GALNT17: variants seen among roughly 807,000 people sequenced by gnomAD.
GALNT17 encodes UDP-GalNAc:polypeptide N-acetylgalactosaminyltransferase-like 3.
GALNT17 carries 29 observed loss-of-function variants against 63.7 expected under a neutral mutation model. The observed-to-expected ratio is 0.46, with a 90% CI of 0.34 to 0.62. The LOEUF (loss-of-function observed/expected upper bound fraction) is 0.62. GALNT17 is among the 20% of genes least tolerant of loss of function. GALNT17 has a pLI of 0.01. For synonymous variants in GALNT17, 305 were observed against 318.3 expected (o/e 0.96, Z 0.45); for missense variants, 603 against 799.6 (o/e 0.75, Z 2.97).
At chr7:71,703,128 A>G (rs961386407) in intron 9 of GALNT17, among the ~76,000 whole-genome samples, 1 of 152,264 alleles carries the variant, frequency 6.6e-6, no homozygotes, top group East Asian at 1.9e-4. Flanking sequence ...GTGACTACAT[A>G]TAGGAGAAGT....
chr7:71,412,153 A>G (rs749693958), intron 3 of GALNT17, among the ~76,000 whole-genome samples: 6 of 152,158 alleles, frequency 3.9e-5, no homozygotes, highest in Non-Finnish European at 7.3e-5. Flanking sequence ...AAAATAAAAG[A>G]CATTAGCTGG....
In GALNT17 at chr7:71,463,346, A is replaced by G. The variant is rs575701000; in HGVS notation, c.962+42241A>G. On this transcript the variant is annotated intron_variant, in intron 5 of 10. Coordinates refer to ENST00000333538, the MANE Select transcript of GALNT17 (RefSeq NM_022479.3). The stretch of plus-strand genomic sequence containing the variant: ...TGAGGGCCCTAATATCAGAGATCCT[A>G]TCTGCACATGGGCAGTGTCTAGTGC... 3.3e-5 allele frequency among the ~76,000 whole-genome samples: 5 copies of G among 152,324 alleles called. No homozygotes were observed. In the East Asian group the frequency reaches 7.7e-4, roughly 24 times the overall value.
chr7:71,537,149 G>A (rs1414862350), intron 5 of GALNT17, among the ~76,000 whole-genome samples: 2 of 152,060 alleles, frequency 1.3e-5, no homozygotes, highest in Non-Finnish European at 1.5e-5. Flanking sequence ...TTGATCTCTC[G>A]GCTTCAGGAG....
intron 5 of GALNT17, among the ~76,000 whole-genome samples, chr7:71,488,768 G>C (rs7808036): frequency 0.45 from 67,224 of 149,566 alleles, 16,413 homozygotes; most frequent in Non-Finnish European, 0.56. Context: ...TTTTAGTAGA[G>C]ACGGGGTTTC....
At chr7:71,602,204 C>T (rs1376596601) in intron 6 of GALNT17, among the ~76,000 whole-genome samples, 4 of 152,246 alleles carry the variant, frequency 2.6e-5, no homozygotes, top group Non-Finnish European at 4.4e-5. Context: ...GAGTATTTCT[C>T]ACCCAAACTT....
chr7:71,671,743 T>G (rs569199886), intron 8 of GALNT17, among the ~76,000 whole-genome samples: 17 of 152,258 alleles, frequency 1.1e-4, no homozygotes, highest in African/African-American at 3.6e-4. Context: ...GTACCTGGCA[T>G]GGCCAAGCAC....
At chr7:71,592,682 G>A (rs766242612) in intron 6 of GALNT17, among the ~76,000 whole-genome samples, 14 of 152,016 alleles carry the variant, frequency 9.2e-5, no homozygotes, top group Non-Finnish European at 1.3e-4. Flanking sequence ...TGCATAAAAC[G>A]CCTCTGACAT....
chr7:71,273,375 A>G (rs1275279110), intron 1 of GALNT17, among the ~76,000 whole-genome samples: 3 of 152,234 alleles, frequency 2.0e-5, no homozygotes, highest in Non-Finnish European at 1.5e-5. Flanking sequence ...TCACTGCTCA[A>G]TGCTATTCCC....
chr7:71,450,561 T>C (rs1787243213), intron 5 of GALNT17, among the ~76,000 whole-genome samples: 1 of 152,228 alleles, frequency 6.6e-6, no homozygotes, highest in Non-Finnish European at 1.5e-5. Flanking sequence ...TTTAAACATT[T>C]AAAGTGTATA....
intron 6 of GALNT17, among the ~76,000 whole-genome samples, chr7:71,609,474 A>C (rs796155503): frequency 1.3e-4 from 20 of 152,356 alleles, no homozygotes; most frequent in African/African-American, 4.8e-4. Context: ...CACCATTCTT[A>C]ACTCACAGCA....
At chr7:71,576,529 TTGTGTGTGTGTG>T (rs3048366) in intron 6 of GALNT17, among the ~76,000 whole-genome samples, 10 of 142,910 alleles carry the variant, frequency 7.0e-5, no homozygotes, top group South Asian at 2.4e-4. Flanking sequence ...TTTTTTAACT[TTGTGTGTGTGTG>T]TGTGTGTGTG....
intron 1 of GALNT17, among the ~76,000 whole-genome samples, chr7:71,144,935 A>G (rs1041799396): frequency 1.4e-4 from 22 of 152,202 alleles, no homozygotes; most frequent in Admixed American, 6.5e-4. Context: ...TCACCATGTT[A>G]GCCAGGATGG....
intron 6 of GALNT17, among the ~76,000 whole-genome samples, chr7:71,632,893 C>G (rs1238038687): frequency 2.6e-5 from 4 of 151,834 alleles, no homozygotes; most frequent in Admixed American, 6.6e-5. Context: ...CACTTGAGGC[C>G]AGGAGGTCGA....
intron 1 of GALNT17, among the ~76,000 whole-genome samples, chr7:71,302,025 G>C (rs2115885223): frequency 6.6e-6 from 1 of 152,294 alleles, no homozygotes; most frequent in South Asian, 2.1e-4. Flanking sequence ...CCATAAAAAG[G>C]AATGAGATCA....
intron 1 of GALNT17, among the ~76,000 whole-genome samples, chr7:71,170,851 A>T (rs1453655823): frequency 6.6e-6 from 1 of 152,164 alleles, no homozygotes; most frequent in East Asian, 1.9e-4. Flanking sequence ...TTTTTAATGA[A>T]AGTTGATTAA....
intron 6 of GALNT17, among the ~76,000 whole-genome samples, chr7:71,617,461 A>G (rs1313550180): frequency 4.0e-5 from 6 of 151,430 alleles, no homozygotes; most frequent in Admixed American, 6.6e-5. Flanking sequence ...AGCTGGGACT[A>G]CAGGTGCCCA....
At chr7:71,499,310 C>G (rs1253757342) in intron 5 of GALNT17, among the ~76,000 whole-genome samples, 6 of 152,188 alleles carry the variant, frequency 3.9e-5, no homozygotes, top group Non-Finnish European at 8.8e-5. Flanking sequence ...AATCCCATCA[C>G]TTTGAGAGGC....
intron 3 of GALNT17, among the ~76,000 whole-genome samples, chr7:71,402,218 A>T (rs1181383228): frequency 1.3e-5 from 2 of 152,238 alleles, no homozygotes; most frequent in African/African-American, 4.8e-5. Context: ...TCATGACATT[A>T]TTTGATTTGC....
At chr7:71,424,221 T>C (rs1163269220) in intron 5 of GALNT17, among the ~76,000 whole-genome samples, 2 of 152,352 alleles carry the variant, frequency 1.3e-5, no homozygotes, top group South Asian at 2.1e-4. Context: ...TGAAGACATG[T>C]TGACCTTCAG....
Sources: gnomAD v4.1 joint callset for allele counts (sites outside exome capture counted in the v4.1 genomes callset) on GRCh38, gnomAD v4.1.1 for gene constraint, MANE v1.5 for transcripts, NCBI Gene and HGNC (gene_info 2026-07-23, HGNC 2026-07-21) for gene names.